The following SUGCT variants were observed in gnomAD, a reference collection of about 807,000 sequenced individuals.
The protein encoded by SUGCT is succinyl-CoA:glutarate-CoA transferase.
In SUGCT, 41 loss-of-function variants were observed where a neutral mutation model predicts 55.0. That is an observed-to-expected ratio of 0.74 (90% CI 0.58 to 0.97). SUGCT has a LOEUF of 0.97. Among genes scored for constraint, SUGCT ranks in the 50% least tolerant of loss-of-function variants. SUGCT has a pLI of 0.00. For missense variants in SUGCT, 568 were observed against 547.8 expected (o/e 1.04, Z -0.37); for synonymous variants, 187 against 200.4 (o/e 0.93, Z 0.56).
At chr7:40,278,548 G>T (rs1231034529) in intron 8 of SUGCT, among the ~76,000 whole-genome samples, 1 of 152,170 alleles carries the variant, frequency 6.6e-6, no homozygotes, top group East Asian at 1.9e-4. Context: ...GCAAGGCAAT[G>T]CCTGGTAAGA....
At chr7:40,508,032 G>A (rs906707762) in intron 12 of SUGCT, among the ~76,000 whole-genome samples, 2 of 152,084 alleles carry the variant, frequency 1.3e-5, no homozygotes, top group Non-Finnish European at 2.9e-5. Context: ...TCTCTTCCAC[G>A]TAAGGATAGC....
At chr7:40,987,024 T>C in the SUGCT span, among the ~76,000 whole-genome samples, 1 of 152,190 alleles carries the variant, frequency 6.6e-6, no homozygotes, top group Non-Finnish European at 1.5e-5. Flanking sequence ...ATTGAAAAAC[T>C]CATACAAAAA....
chr7:40,622,596 T>C (rs887118265), intron 12 of SUGCT, among the ~76,000 whole-genome samples: 3 of 147,956 alleles, frequency 2.0e-5, no homozygotes, highest in Non-Finnish European at 3.0e-5. Context: ...CACACATATA[T>C]GCATACTGCT....
At chr7:40,321,823 A>C (rs574418020) in intron 9 of SUGCT, among the ~76,000 whole-genome samples, 1 of 152,348 alleles carries the variant, frequency 6.6e-6, no homozygotes, top group African/African-American at 2.4e-5. Context: ...TTCTTTATCC[A>C]GTCCATTGTT....
intron 9 of SUGCT, among the ~76,000 whole-genome samples, chr7:40,382,584 G>A (rs925399815): frequency 4.6e-5 from 7 of 152,162 alleles, no homozygotes; most frequent in Non-Finnish European, 8.8e-5. Flanking sequence ...CATAATTATA[G>A]TGCTAACTAG....
chr7:40,913,008 A>ATTTTTTT, the SUGCT span, among the ~76,000 whole-genome samples: 3 of 121,588 alleles, frequency 2.5e-5, no homozygotes, highest in African/African-American at 3.3e-5. Flanking sequence ...GCTGGATCCA[A>ATTTTTTT]TTTTTTTTTT....
intron 9 of SUGCT, among the ~76,000 whole-genome samples, chr7:40,415,467 A>AT (rs1329876782): frequency 6.0e-5 from 9 of 148,928 alleles, no homozygotes; most frequent in East Asian, 2.0e-4. Context: ...AAATGTTAAT[A>AT]TTTTTTTTCC....
the SUGCT span, among the ~76,000 whole-genome samples, chr7:41,004,945 C>T: frequency 2.0e-5 from 3 of 152,134 alleles, no homozygotes; most frequent in Admixed American, 2.0e-4. Context: ...CATCGGTGGA[C>T]TTGGCCCTGA....
intron 7 of SUGCT, among the ~76,000 whole-genome samples, chr7:40,240,015 T>C (rs1207577535): frequency 6.6e-6 from 1 of 152,058 alleles, no homozygotes; most frequent in Non-Finnish European, 1.5e-5. Context: ...AGCTGTTAAG[T>C]AGGGAAAACA....
intron 9 of SUGCT, among the ~76,000 whole-genome samples, chr7:40,421,098 T>C (rs1375862104): frequency 6.6e-6 from 1 of 152,206 alleles, no homozygotes; most frequent in Non-Finnish European, 1.5e-5. Flanking sequence ...TGGGGTTCTT[T>C]ACCTTGCCAC....
At chr7:40,875,206 G>A in the SUGCT span, among the ~76,000 whole-genome samples, 3 of 152,198 alleles carry the variant, frequency 2.0e-5, no homozygotes, top group Admixed American at 6.5e-5. Flanking sequence ...GCACAGCATA[G>A]GAAATAAGTT....
At chr7:40,422,397 T>C (rs538136017) in intron 9 of SUGCT, among the ~76,000 whole-genome samples, 56 of 152,362 alleles carry the variant, frequency 3.7e-4, no homozygotes, top group African/African-American at 1.3e-3. Flanking sequence ...ATGTCTTCCA[T>C]GGAATCTTGT....
chr7:40,600,225 C>T (rs1389454192), intron 12 of SUGCT, among the ~76,000 whole-genome samples: 2 of 152,186 alleles, frequency 1.3e-5, no homozygotes, highest in African/African-American at 2.4e-5. Context: ...CAACAGAGTT[C>T]CTGTTCACTC....
chr7:40,705,425 A>AT (rs941894816), intron 12 of SUGCT, among the ~76,000 whole-genome samples: 19 of 152,226 alleles, frequency 1.2e-4, no homozygotes, highest in African/African-American at 4.6e-4. Context: ...TTTATTCACA[A>AT]TTTTTTGGTT....
Position 40,261,491 on chromosome 7 carries a change from A to G in SUGCT, c.577-13022A>G, listed in dbSNP as rs560682640. On this transcript the variant is annotated intron_variant, in intron 7 of 13. Transcript: ENST00000335693. ...TACTAACATGTATCCCAACATATGT[A>G]CTAAGATTCAATGAGATAATGTGTA... Among the ~76,000 whole-genome samples the G allele has an allele frequency of 7.9e-5, 12 of 152,326 alleles. 1 individual carries two copies. The South Asian group carries it at 2.5e-3, about 32-fold the overall frequency.
intron 8 of SUGCT, among the ~76,000 whole-genome samples, chr7:40,292,691 A>T (rs1793863384): frequency 6.6e-6 from 1 of 152,146 alleles, no homozygotes; most frequent in Non-Finnish European, 1.5e-5. Flanking sequence ...GTAAAGACAT[A>T]CTTTTAAAAT....
chr7:40,922,933 T>C, the SUGCT span, among the ~76,000 whole-genome samples: 10 of 152,336 alleles, frequency 6.6e-5, no homozygotes, highest in East Asian at 1.7e-3. Flanking sequence ...AGATTTGCCC[T>C]CTGAGCTGTC....
intron 9 of SUGCT, among the ~76,000 whole-genome samples, chr7:40,442,521 T>C (rs949883884): frequency 2.6e-5 from 4 of 152,186 alleles, no homozygotes; most frequent in African/African-American, 9.6e-5. Flanking sequence ...TCCCCAATTT[T>C]CTACAGTGAT....
At chr7:40,500,564 A>G (rs755883700) in intron 12 of SUGCT, among the ~76,000 whole-genome samples, 1 of 152,194 alleles carries the variant, frequency 6.6e-6, no homozygotes, top group Non-Finnish European at 1.5e-5. Context: ...GAAGGCCATT[A>G]CAACCCCTTT....
Sources: allele counts gnomAD v4.1 joint callset (sites outside exome capture counted in the v4.1 genomes callset), GRCh38; gene constraint gnomAD v4.1.1; transcripts MANE v1.5; gene names NCBI Gene and HGNC (gene_info 2026-07-23, HGNC 2026-07-21).